Variants in PKD1L1 observed in about 807,000 individuals in gnomAD.
PKD1L1 encodes the protein polycystin-1-like protein 1.
In PKD1L1, 236 loss-of-function variants were observed where a neutral mutation model predicts 323.4. That is an observed-to-expected ratio of 0.73 (90% confidence interval 0.66 to 0.81). PKD1L1 has a LOEUF of 0.81. PKD1L1 is among the 40% of genes least tolerant of loss of function. PKD1L1 has a pLI of 0.00. For missense variants in PKD1L1, 3,320 were observed against 3,508.0 expected, an observed-to-expected ratio of 0.95 and a Z score of 1.35; for synonymous variants, 1,344 against 1,335.0, an observed-to-expected ratio of 1.01 and a Z score of -0.15.
intron 8 of PKD1L1, among the ~76,000 whole-genome samples, chr7:47,913,603 C>T (rs56351389): frequency 0.04 from 6,078 of 152,072 alleles, 422 homozygotes; most frequent in African/African-American, 0.14. Flanking sequence ...GCACCTCCCC[C>T]CCTCTTGCTC....
In PKD1L1 at chr7:47,893,953, G is replaced by C. The variant is rs183915112; in HGVS notation, c.2378C>G (p.Ser793Cys). 4.3e-6 allele frequency: 7 copies of C among 1,614,048 alleles called. No individual in the cohort carries two copies. In the East Asian group the frequency reaches 1.6e-4, roughly 36 times the overall value. ...VISEGTHLFF[S>C]RTTSSPIVLR... ...GACAATGGGGGATGAGGTGGTCCTGGAGAAGAATAGGTGTGTGCCCTCGGA... is the reference window on the plus strand; with the variant it reads ...GACAATGGGGGATGAGGTGGTCCTGCAGAAGAATAGGTGTGTGCCCTCGGA... Residue 793 changes from serine to cysteine, a missense_variant, in exon 15 of 57, where the codon TCC becomes TGC. Coordinates refer to ENST00000289672, the MANE Select transcript of PKD1L1 (RefSeq NM_138295.5).
At position 47,811,962 on chromosome 7, in the gene PKD1L1, T is replaced by C. The variant is rs766485639; in HGVS notation, c.7436A>G (p.Tyr2479Cys). The change falls in exon 50 of 57, where the codon TAT becomes TGT. Residue 2479 changes from tyrosine (Y) to cysteine (C), a missense_variant. Physicochemically the swap from Tyr to Cys is radical, Grantham distance 194. Coordinates refer to ENST00000289672, the MANE Select transcript of PKD1L1 (RefSeq NM_138295.5). ...GGTGAAGAGTTGGGTTGGAGGGTTA[T>C]AGAGAGTGAAGTGCACAGACACAGC... ...TRAVSVHFTL[Y>C]NPPTQLFTSV... 1 of 1,601,990 alleles carries C rather than the reference T, an allele frequency of 6.2e-7. No homozygotes were observed. Among genetic ancestry groups the C allele is most frequent in the Non-Finnish European group, 8.5e-7 (1 of 1,174,398 alleles).
Position 47,885,792 on chromosome 7 carries a change from C to T in PKD1L1, c.3099G>A (p.Glu1033=). ...CTGGCTCTAGGTCTAGTGAACCTTC[C>T]TCTGGAGCCTCCCCCAGGACTGCAG... ...GDSAVLGEAP[E]EGSLDLEPGP... Residue 1033 remains glutamate, a synonymous_variant, in exon 18 of 57, where the codon GAG becomes GAA. Transcript: ENST00000289672. The T allele has an allele frequency of 1.2e-6, 2 of 1,614,210 alleles. No individual in the cohort carries two copies. Among genetic ancestry groups the T allele is most frequent in the Non-Finnish European group, 1.7e-6 (2 of 1,180,046 alleles).
At chr7:47,909,233 G>A (rs1170494966) in intron 8 of PKD1L1, among the ~76,000 whole-genome samples, 2 of 152,148 alleles carry the variant, frequency 1.3e-5, no homozygotes, top group Non-Finnish European at 1.5e-5. Context: ...TCCCCAGCTT[G>A]ATAATGTTAA....
chr7:47,870,591 C>T (rs1786261306), intron 24 of PKD1L1, among the ~76,000 whole-genome samples: 1 of 152,160 alleles, frequency 6.6e-6, no homozygotes, highest in South Asian at 2.1e-4. Context: ...AGTAAAGATA[C>T]TGAATCAGTC....
chr7:47,882,056 G>A lies in PKD1L1; in HGVS notation c.3295C>T (p.Pro1099Ser). 1 of 1,613,490 alleles carries A rather than the reference G, an allele frequency of 6.2e-7. No individual in the cohort carries two copies. Among genetic ancestry groups the A allele is most frequent in the Non-Finnish European group, 8.5e-7 (1 of 1,179,888 alleles). The change falls in exon 20 of 57, where the codon CCT (proline) becomes TCT (serine). Residue 1099 changes from proline (P) to serine (S), a missense_variant. Physicochemically the swap from Pro to Ser is moderately conservative, Grantham distance 74. Coordinates refer to ENST00000289672, the MANE Select transcript of PKD1L1 (RefSeq NM_138295.5). ...GGGCTCTCCTCGGCACTCAAGCTAG[G>A]TCCTGATCCTGGAAAGCTGGTGTCC... ...AKDTSFPGSG[P>S]SLSAEESPGD...
At chr7:47,911,037 C>A (rs143006393) in intron 8 of PKD1L1, among the ~76,000 whole-genome samples, 2 of 151,994 alleles carry the variant, frequency 1.3e-5, no homozygotes, top group African/African-American at 4.8e-5. Context: ...TGATATAGTT[C>A]GGATGTTTAC....
chr7:47,927,939 G>A lies in PKD1L1; in HGVS notation c.1060+1265C>T, dbSNP rs557960834. ...CAATTTCAATGTTCAGCAATAAAAA[G>A]AAAGAGCTGAATAGATTTGGTCCAT... On this transcript the variant is annotated intron_variant, in intron 7 of 56. Coordinates refer to ENST00000289672, the MANE Select transcript of PKD1L1 (RefSeq NM_138295.5). Among the ~76,000 whole-genome samples the A allele has an allele frequency of 7.9e-5, 12 of 152,304 alleles. No individual in the cohort carries two copies. The South Asian group carries it at 2.5e-3, about 32-fold the overall frequency.
In PKD1L1 at chr7:47,948,410, C is replaced by G; in HGVS notation, c.31G>C (p.Asp11His). 6.2e-7 allele frequency: 1 copy of G among 1,614,118 alleles called. No individual in the cohort carries two copies. Among genetic ancestry groups the G allele is most frequent in the Non-Finnish European group, 8.5e-7 (1 of 1,180,024 alleles). Reference protein sequence around the residue: MAEEAAQNISDDQERCLQAAC... With the variant: MAEEAAQNISHDQERCLQAAC... ...GTGATAACTCACCTTTCCTGGTCAT[C>G]AGAAATGTTCTGGGCTGCCTCCTCG... The change falls in exon 1 of 57, where the codon GAT becomes CAT. Residue 11 changes from aspartate (D) to histidine (H), a missense_variant. Transcript: ENST00000289672.
In PKD1L1 at chr7:47,821,193, G is replaced by A. The variant is rs1453186841; in HGVS notation, c.6855-7C>T. The A allele has an allele frequency of 6.3e-7, 1 of 1,579,884 alleles. No homozygotes were observed. The highest frequency in any genetic ancestry group is 2.2e-5 in the East Asian group (1 of 44,700). ...GATGTCCATGGAAATGTCTCTGTAA[G>A]AAGAGTTTTTAAGTTAGCATCCATA... is the stretch of plus-strand genomic sequence containing the variant. On this transcript the variant is annotated splice_polypyrimidine_tract_variant and splice_region_variant and intron_variant, in intron 45 of 56. Coordinates refer to ENST00000289672, the MANE Select transcript of PKD1L1 (RefSeq NM_138295.5).
rs1367325356 is a variant in PKD1L1, at chr7:47,862,735, C to G, written c.4149+2481G>C. ...TATTTGAAAAGCCAAGGGGAGGGCA[C>G]AGCGGGAAAAGGATCAAGGCAGTAC... is the stretch of plus-strand genomic sequence containing the variant. On this transcript the variant is annotated intron_variant, in intron 26 of 56. Coordinates refer to ENST00000289672, the MANE Select transcript of PKD1L1 (RefSeq NM_138295.5). 2.0e-5 allele frequency among the ~76,000 whole-genome samples: 3 copies of G among 152,050 alleles called. No individual in the cohort carries two copies. In the East Asian group the frequency reaches 5.8e-4, roughly 29 times the overall value.
At chr7:47,792,313 G>GTT (rs151120143) in intron 56 of PKD1L1, among the ~76,000 whole-genome samples, 4 of 149,258 alleles carry the variant, frequency 2.7e-5, no homozygotes, top group Non-Finnish European at 4.5e-5. Flanking sequence ...TAGATTTCTG[G>GTT]GTTTTTTTTT....
chr7:47,941,221 G>A (rs1240549469), intron 2 of PKD1L1, among the ~76,000 whole-genome samples: 1 of 152,202 alleles, frequency 6.6e-6, no homozygotes, highest in African/African-American at 2.4e-5. Context: ...TCAGACCCGA[G>A]TCCCTGTAAG....
chr7:47,896,812 T>A (rs1786946702), intron 14 of PKD1L1, among the ~76,000 whole-genome samples: 1 of 151,812 alleles, frequency 6.6e-6, no homozygotes, highest in African/African-American at 2.4e-5. Flanking sequence ...CACCCCGAGG[T>A]CCCCTGACAT....
Position 47,931,035 on chromosome 7 carries a change from T to C in PKD1L1, c.737+69A>G, listed in dbSNP as rs899374673. 11 of 1,440,012 alleles carry C rather than the reference T, an allele frequency of 7.6e-6. No individual in the cohort carries two copies. In the African/African-American group the frequency reaches 1.4e-4, roughly 19 times the overall value. 89.2% of individuals were successfully genotyped at this position (1,440,012 alleles called of 1,614,324 possible). A position where few individuals can be genotyped will look rare whatever the true frequency, so the allele number is the denominator to read the frequency against. On this transcript the variant is annotated intron_variant, in intron 6 of 56. Coordinates refer to ENST00000289672, the MANE Select transcript of PKD1L1 (RefSeq NM_138295.5). The stretch of plus-strand genomic sequence containing the variant: ...CGAAGATACTAAAATCACTAACGGA[T>C]TGGGCATGGATGGTTCCAGACTGGG...
intron 23 of PKD1L1, among the ~76,000 whole-genome samples, chr7:47,875,600 A>C (rs1786387304): frequency 6.6e-6 from 1 of 152,238 alleles, no homozygotes; most frequent in Admixed American, 6.5e-5. Context: ...GGACTGGTTT[A>C]GAAGTAACCA....
At chr7:47,891,724 C>A (rs548903281) in intron 15 of PKD1L1, among the ~76,000 whole-genome samples, 2 of 152,336 alleles carry the variant, frequency 1.3e-5, no homozygotes, top group African/African-American at 4.8e-5. Context: ...TCTATACTCC[C>A]AGGGAACAAA....
chr7:47,869,613 A>G (rs186246992), intron 24 of PKD1L1, among the ~76,000 whole-genome samples: 1 of 152,232 alleles, frequency 6.6e-6, no homozygotes, highest in Admixed American at 6.5e-5. Flanking sequence ...TACATGAGCA[A>G]TAATGGACAG....
At chr7:47,837,971 C>T (rs747048343) in intron 36 of PKD1L1, among the ~76,000 whole-genome samples, 6 of 152,180 alleles carry the variant, frequency 3.9e-5, no homozygotes, top group African/African-American at 1.2e-4. Flanking sequence ...AGTGCTCATA[C>T]GTGACTAAAT....
Sources: gnomAD v4.1 joint callset for allele counts (sites outside exome capture counted in the v4.1 genomes callset) on GRCh38, gnomAD v4.1.1 for gene constraint, MANE v1.5 for transcripts, NCBI Gene and HGNC (gene_info 2026-07-23, HGNC 2026-07-21) for gene names.